Variants in NEURL4 observed in about 807,000 individuals in gnomAD.
NEURL4 encodes the protein neuralized E3 ubiquitin protein ligase 4, also known as neuralized-like protein 4.
In NEURL4, 45 loss-of-function variants were observed where a neutral mutation model predicts 148.0. That is an observed-to-expected ratio of 0.30 (90% confidence interval 0.24 to 0.39). NEURL4 has a LOEUF of 0.39. Among genes scored for constraint, NEURL4 ranks in the 10% least tolerant of loss-of-function variants. The pLI is 1.00. For synonymous variants in NEURL4, 854 were observed against 869.0 expected, an observed-to-expected ratio of 0.98 and a Z score of 0.30; for missense variants, 1,776 against 2,144.0, an observed-to-expected ratio of 0.83 and a Z score of 3.39.
intron 14 of NEURL4, 148 bp downstream of exon 14, chr17:7,323,337 G>A (rs1314317871): frequency 2.1e-6 from 2 of 975,188 alleles, no homozygotes; most frequent in African/African-American, 1.6e-5. Flanking sequence ...GTGGGCCTGG[G>A]CAGGACTTCC....
intron 26 of NEURL4, 34 bp downstream of exon 26, chr17:7,317,754 A>G (rs899204100): frequency 6.2e-7 from 1 of 1,608,508 alleles, no homozygotes; most frequent in Non-Finnish European, 8.5e-7. Flanking sequence ...GGGGGAAAAC[A>G]GTAGGGGAAA....
At chr17:7,319,379 T>TTTTC (rs2072996705) in intron 21 of NEURL4, among the ~76,000 whole-genome samples, 171 bp from the exon 22 acceptor site, 1 of 52,656 alleles carries the variant, frequency 1.9e-5, no homozygotes, top group Non-Finnish European at 5.6e-5. Context: ...TCCCTCTTTT[T>TTTTC]TTTTTTTTTT....
chr17:7,318,269 C>T lies in NEURL4; in HGVS notation c.3952G>A (p.Gly1318Ser), dbSNP rs1376884683. The change falls in exon 24 of 29, where the codon GGT becomes AGT. Residue 1318 changes from glycine (G) to serine (S), a missense_variant and splice_region_variant. Gly to Ser is a moderately conservative substitution (Grantham distance 56). Transcript: ENST00000399464. The surrounding 1 kb of genome is among the most constrained non-coding windows in gnomAD (Gnocchi z 4.3). ...GDMEKADMVDGIKESVCWGPP... is the reference protein window; with the variant it reads ...GDMEKADMVDSIKESVCWGPP... ...GCTGGGTCCCTTTGGGCTGGCACAC[C>T]GTCCACCATGTCTGCTTTCTCCATG... 7 of 1,614,018 alleles carry T rather than the reference C, an allele frequency of 4.3e-6. No homozygotes were observed. The highest frequency in any genetic ancestry group is 5.9e-6 in the Non-Finnish European group (7 of 1,179,942).
chr17:7,318,593 G>GC lies in NEURL4; in HGVS notation c.3765dup (p.Leu1256AlafsTer6). The GC allele has an allele frequency of 3.1e-6, 5 of 1,614,074 alleles. No individual in the cohort carries two copies. Among genetic ancestry groups the GC allele is most frequent in the Non-Finnish European group, 3.4e-6 (4 of 1,179,998 alleles). On this transcript the variant is annotated frameshift_variant, in exon 23 of 29. Transcript: ENST00000399464. LOFTEE classifies it high-confidence loss of function. This position sits in a 1 kb window ranked among gnomAD's most constrained non-coding sequence, Gnocchi z 4.3. Reference sequence around the variant, plus strand: ...TCCACCCCATTAACATGAAGATGCAGCCCCCCAGAGCTGTCCAGCCGCAGT... The same window carrying GC: ...TCCACCCCATTAACATGAAGATGCAGCCCCCCCAGAGCTGTCCAGCCGCAGT...
At position 7,322,778 on chromosome 17, in the gene NEURL4, G is replaced by A. The variant is rs771005376; in HGVS notation, c.2682C>T (p.Thr894=). The change falls in exon 16 of 29, where the codon ACC becomes ACT. Residue 894 remains threonine, a synonymous_variant. Transcript: ENST00000399464. The surrounding 1 kb of genome is among the most constrained non-coding windows in gnomAD (Gnocchi z 5.5). The part of the protein sequence containing the change: ...ATGPMDNSLA[T]SNTATEKSFP... ...AGGACTTCTCGGTGGCAGTGTTGCT[G>A]GTCGCCAGGCTGTTGTCCATGGGGC... 3 of 1,612,912 alleles carry A rather than the reference G, an allele frequency of 1.9e-6. No individual in the cohort carries two copies. Among genetic ancestry groups the A allele is most frequent in the African/African-American group, 1.3e-5 (1 of 74,686 alleles).
At position 7,318,005 on chromosome 17, in the gene NEURL4, T is replaced by TCTAGG; in HGVS notation, c.4060+59_4060+60insCCTAG. 6.2e-7 allele frequency: 1 copy of TCTAGG among 1,613,692 alleles called. No homozygotes were observed. The highest frequency in any genetic ancestry group is 8.5e-7 in the Non-Finnish European group (1 of 1,179,618). On this transcript the variant is annotated intron_variant, in intron 25 of 28. Transcript: ENST00000399464. This position sits in a 1 kb window ranked among gnomAD's most constrained non-coding sequence, Gnocchi z 4.3. ...CCACAGTGGCACCCTCCAGCTGCTC[T>TCTAGG]CCAAGGCTCTAGGCCTGGCCCTGGG...
At position 7,327,339 on chromosome 17, in the gene NEURL4, T is replaced by C; in HGVS notation, c.727+101A>G. The C allele has an allele frequency of 6.9e-7, 1 of 1,448,432 alleles. No homozygotes were observed. Among genetic ancestry groups the C allele is most frequent in the Non-Finnish European group, 9.3e-7 (1 of 1,071,456 alleles). 89.7% of individuals were successfully genotyped at this position (1,448,432 alleles called of 1,614,324 possible). A position where few individuals can be genotyped will look rare whatever the true frequency, so the allele number is the denominator to read the frequency against. On this transcript the variant is annotated intron_variant, in intron 2 of 28. Transcript: ENST00000399464. This position sits in a 1 kb window ranked among gnomAD's most constrained non-coding sequence, Gnocchi z 6.6. Reference sequence around the variant, plus strand: ...GCTCCTGCTCTCCCATTCAACAGACTTGGGGATCAGGGTGGCCCTGCCCAC... The same window carrying C: ...GCTCCTGCTCTCCCATTCAACAGACCTGGGGATCAGGGTGGCCCTGCCCAC...
rs914350889 is a variant in NEURL4, at chr17:7,318,913, G to T, written c.3684+137C>A. On this transcript the variant is annotated intron_variant, in intron 22 of 28. Transcript: ENST00000399464. The surrounding 1 kb of genome is among the most constrained non-coding windows in gnomAD (Gnocchi z 4.3). ...TAAGACTGACCAGGCAATGCTACTC[G>T]CCCTTGCCTGCCCATTACTGTTCCC... is the stretch of plus-strand genomic sequence containing the variant. The T allele has an allele frequency of 2.0e-6, 2 of 1,003,740 alleles. No homozygotes were observed. Among genetic ancestry groups the T allele is most frequent in the Non-Finnish European group, 2.9e-6 (2 of 689,056 alleles). The allele number at this position is 1,003,740 out of a possible 1,614,324, so 62.2% of individuals were successfully genotyped here.
chr17:7,320,333 C>A (rs917178457), intron 21 of NEURL4, among the ~76,000 whole-genome samples: 1 of 152,084 alleles, frequency 6.6e-6, no homozygotes, highest in Non-Finnish European at 1.5e-5. Context: ...CAGAGTTTCA[C>A]TATATTGCCT....
In NEURL4 at chr17:7,316,047, T is replaced by G. The variant is rs1402328120; in HGVS notation, c.*76A>C. On this transcript the variant is annotated 3_prime_UTR_variant, in exon 29 of 29. Transcript: ENST00000399464. ...CTGCGCATGCCACGAGTCACGGGAA[T>G]GAGGTGGAGGCAGTCGCCACTCAGA... is the stretch of plus-strand genomic sequence containing the variant. 47 of 827,326 alleles carry G rather than the reference T, an allele frequency of 5.7e-5. No homozygotes were observed. The East Asian group carries it at 1.1e-3, about 20-fold the overall frequency. The allele number at this position is 827,326 out of a possible 1,614,324, so 51.2% of individuals were successfully genotyped here.
Position 7,325,355 on chromosome 17 carries a change from G to T in NEURL4, c.1485C>A (p.Asn495Lys). ...CGGGGGACAGCGCCCGCAGGATGGC[G>T]TTGTTTCGGCGGAGACGGTCACTGT... The part of the protein sequence containing the change: ...NNHSDRLRRN[N>K]AILRALSPEG... Residue 495 changes from asparagine to lysine, a missense_variant, in exon 8 of 29, where the codon AAC (asparagine) becomes AAA (lysine). Physicochemically the swap from Asn to Lys is moderately conservative, Grantham distance 94 (BLOSUM62 0). Transcript: ENST00000399464. 6.2e-7 allele frequency: 1 copy of T among 1,613,434 alleles called. No individual in the cohort carries two copies. Among genetic ancestry groups the T allele is most frequent in the South Asian group, 1.1e-5 (1 of 91,072 alleles).
intron 20 of NEURL4, 53 bp from the exon 21 acceptor site, chr17:7,320,976 C>G: frequency 1.2e-6 from 2 of 1,605,648 alleles, no homozygotes; most frequent in South Asian, 2.2e-5. Context: ...CAGGACTGAC[C>G]CACCCCACTG....
At chr17:7,325,174 CTTCTTCAGGCTT>C in intron 8 of NEURL4, 23 bp downstream of exon 8, 2 of 620,392 alleles carry the variant, frequency 3.2e-6, no homozygotes, top group South Asian at 1.6e-5. Context: ...ATTAGAATCC[CTTCTTCAGGCTT>C]CTCCCCACCC....
chr17:7,329,046 G>A lies in NEURL4; in HGVS notation c.267C>T (p.Val89=). The A allele has an allele frequency of 1.3e-6, 2 of 1,582,834 alleles. No homozygotes were observed. The highest frequency in any genetic ancestry group is 1.7e-4 in the Middle Eastern group (1 of 5,970). ...EPLRDGRVFT[V]RIDRKVNSWS... ...AGCGCTGCACCTTGCGGTCGATGCG[G>A]ACGGTGAAGACGCGTCCATCGCGCA... The change falls in exon 1 of 29, where the codon GTC becomes GTT. Residue 89 remains valine, a synonymous_variant. Coordinates refer to ENST00000399464, the MANE Select transcript of NEURL4 (RefSeq NM_032442.3).
In NEURL4 at chr17:7,318,168, G is replaced by C; in HGVS notation, c.3957C>G (p.Ile1319Met). 6.2e-7 allele frequency: 1 copy of C among 1,614,068 alleles called. No individual in the cohort carries two copies. The highest frequency in any genetic ancestry group is 8.5e-7 in the Non-Finnish European group (1 of 1,179,918). Residue 1319 changes from isoleucine to methionine, a missense_variant, in exon 25 of 29, where the codon ATC becomes ATG. By Grantham distance (10) the Ile-to-Met change is conservative (BLOSUM62 1). Transcript: ENST00000399464. The surrounding 1 kb of genome is among the most constrained non-coding windows in gnomAD (Gnocchi z 4.3). ...DMEKADMVDG[I>M]KESVCWGPPP... is the part of the protein sequence containing the mutation. ...GTGGACCCCAGCACACACTCTCTTT[G>C]ATACCTGAGGGAGCAGAGGGGCACA... is the stretch of plus-strand genomic sequence containing the variant.
In NEURL4 at chr17:7,325,375, CACTGTGGTTGTT is replaced by C; in HGVS notation, c.1453_1464del (p.Asn485_Ser488del). 1 of 1,613,380 alleles carries C rather than the reference CACTGTGGTTGTT, an allele frequency of 6.2e-7. No individual in the cohort carries two copies. The highest frequency in any genetic ancestry group is 8.5e-7 in the Non-Finnish European group (1 of 1,180,002). The stretch of plus-strand genomic sequence containing the variant: ...ATGGCGTTGTTTCGGCGGAGACGGT[CACTGTGGTTGTT>C]ATTGTGGACGATGGTCACCTTCACT... On this transcript the variant is annotated inframe_deletion, in exon 8 of 29. Transcript: ENST00000399464.
chr17:7,325,145 G>GGGGGGGGGGGGGGGGC, intron 8 of NEURL4, 64 bp downstream of exon 8: 2 of 830,664 alleles, frequency 2.4e-6, no homozygotes, highest in Non-Finnish European at 3.6e-6. Context: ...CCACTTCCTT[G>GGGGGGGGGGGGGGGGC]CCCCGCCCCC....
chr17:7,325,511 G>A (rs758843399), intron 7 of NEURL4, 38 bp from the exon 8 acceptor site: 1 of 1,603,104 alleles, frequency 6.2e-7, no homozygotes, highest in Non-Finnish European at 8.5e-7. Context: ...GAGTGGACAG[G>A]GAGAATGAGG....
At chr17:7,320,129 C>CA (rs2073011000) in intron 21 of NEURL4, among the ~76,000 whole-genome samples, 1 of 151,158 alleles carries the variant, frequency 6.6e-6, no homozygotes, top group Admixed American at 6.6e-5. Flanking sequence ...TGAGCCTGGC[C>CA]TTTTTTTCTT....
Sources: allele counts gnomAD v4.1 joint callset (sites outside exome capture counted in the v4.1 genomes callset), GRCh38; gene constraint gnomAD v4.1.1; non-coding constraint Gnocchi (gnomAD v3.1); transcripts MANE v1.5; gene names NCBI Gene and HGNC (gene_info 2026-07-23, HGNC 2026-07-21).